Variants in ARHGAP19 observed in about 807,000 individuals in gnomAD.
ARHGAP19 encodes rho GTPase-activating protein 19.
Under a neutral mutation model 60.9 loss-of-function variants are expected in ARHGAP19, and 48 were observed. The observed-to-expected ratio is 0.79, with a 90% CI of 0.62 to 1.00. ARHGAP19 has a LOEUF of 1.00. Ranked by LOEUF, ARHGAP19 falls within the 50% of genes least tolerant of loss-of-function variation. ARHGAP19 has a pLI of 0.00. For synonymous variants in ARHGAP19, 209 were observed against 215.5 expected, an observed-to-expected ratio of 0.97 and a Z score of 0.27; for missense variants, 562 against 597.2, an observed-to-expected ratio of 0.94 and a Z score of 0.61.
At chr10:97,237,658 AC>A (rs1842403117) in intron 8 of ARHGAP19, among the ~76,000 whole-genome samples, 1 of 152,070 alleles carries the variant, frequency 6.6e-6, no homozygotes, top group South Asian at 2.1e-4. Flanking sequence ...GTCACTTGAG[AC>A]CAGGAGTTCA....
At chr10:97,285,924 A>G (rs961799098) in intron 1 of ARHGAP19, among the ~76,000 whole-genome samples, 1 of 152,258 alleles carries the variant, frequency 6.6e-6, no homozygotes, top group Non-Finnish European at 1.5e-5. Flanking sequence ...TTGTGCAACA[A>G]TATCTGCTTT....
intron 6 of ARHGAP19, among the ~76,000 whole-genome samples, chr10:97,246,591 T>A (rs1297170028): frequency 6.6e-6 from 1 of 152,192 alleles, no homozygotes; most frequent in African/African-American, 2.4e-5. Flanking sequence ...AAACATGGCA[T>A]GTATATACTC....
In ARHGAP19 at chr10:97,292,585, C is replaced by G. The variant is rs758889834; in HGVS notation, c.43G>C (p.Glu15Gln). 3 of 1,614,098 alleles carry G rather than the reference C, an allele frequency of 1.9e-6. No homozygotes were observed. The highest frequency in any genetic ancestry group is 2.7e-5 in the African/African-American group (2 of 74,934). Residue 15 changes from glutamate to glutamine, a missense_variant, in exon 1 of 12, where the codon GAA becomes CAA. Transcript: ENST00000358531. ...AACTCAGCTCACCTCCGGCCGGATT[C>G]GCGGGCTGGCACCTCCCCTTCACTC... Reference protein sequence around the residue: ...AQSEGEVPARESGRSDAICSF... With the variant: ...AQSEGEVPARQSGRSDAICSF...
In ARHGAP19 at chr10:97,265,851, A is replaced by G; in HGVS notation, c.322+9T>C. On this transcript the variant is annotated intron_variant, in intron 2 of 11. Coordinates refer to ENST00000358531, the MANE Select transcript of ARHGAP19 (RefSeq NM_032900.6). The stretch of plus-strand genomic sequence containing the variant: ...AGGCCTGCCCACCCTTCACAAACAC[A>G]TCTCCTACCCTTTCGCTTGAGAGAC... 1 of 1,613,450 alleles carries G rather than the reference A, an allele frequency of 6.2e-7. No homozygotes were observed. Among genetic ancestry groups the G allele is most frequent in the Non-Finnish European group, 8.5e-7 (1 of 1,179,480 alleles).
intron 11 of ARHGAP19, among the ~76,000 whole-genome samples, chr10:97,227,040 G>T (rs116131019): frequency 0.02 from 3,086 of 152,298 alleles, 118 homozygotes; most frequent in African/African-American, 0.071. Context: ...TAAAGGCCAG[G>T]AAGGCTGCTC....
chr10:97,257,006 A>C (rs892062255), intron 5 of ARHGAP19, among the ~76,000 whole-genome samples: 19 of 152,128 alleles, frequency 1.2e-4, no homozygotes, highest in Non-Finnish European at 2.5e-4. Flanking sequence ...CTGTAGTCCC[A>C]GCTACTCGGG....
chr10:97,253,271 G>A (rs945443130), intron 6 of ARHGAP19, among the ~76,000 whole-genome samples: 6 of 151,756 alleles, frequency 4.0e-5, no homozygotes, highest in Non-Finnish European at 8.8e-5. Context: ...CCAGCTACTC[G>A]AGAGGCTGAG....
chr10:97,271,384 A>ATAAAAT (rs1842957911), intron 1 of ARHGAP19, among the ~76,000 whole-genome samples: 3 of 152,094 alleles, frequency 2.0e-5, no homozygotes, highest in African/African-American at 7.2e-5. Flanking sequence ...AATAAAATAC[A>ATAAAAT]AGACAAGCCA....
chr10:97,283,123 G>A (rs1039660696), intron 1 of ARHGAP19, among the ~76,000 whole-genome samples: 3 of 151,912 alleles, frequency 2.0e-5, no homozygotes, highest in African/African-American at 7.3e-5. Context: ...GATTACAGGC[G>A]TGAGCCACCC....
chr10:97,258,420 G>A (rs768564766), intron 5 of ARHGAP19, among the ~76,000 whole-genome samples: 2 of 152,160 alleles, frequency 1.3e-5, no homozygotes, highest in East Asian at 1.9e-4. Context: ...TGTAGTCCCA[G>A]CTGCTCAGGA....
intron 7 of ARHGAP19, among the ~76,000 whole-genome samples, chr10:97,245,797 T>C (rs898811240): frequency 6.6e-6 from 1 of 152,160 alleles, no homozygotes; most frequent in Non-Finnish European, 1.5e-5. Context: ...ACACATTTGC[T>C]ATTCACAGAT....
In ARHGAP19 at chr10:97,225,970, A is replaced by C; in HGVS notation, c.*152T>G. 2 of 717,740 alleles carry C rather than the reference A, an allele frequency of 2.8e-6. No homozygotes were observed. The highest frequency in any genetic ancestry group is 4.7e-6 in the Non-Finnish European group (2 of 426,066). 44.5% of individuals were successfully genotyped at this position (717,740 alleles called of 1,614,324 possible). A position where few individuals can be genotyped will look rare whatever the true frequency, so the allele number is the denominator to read the frequency against. On this transcript the variant is annotated 3_prime_UTR_variant, in exon 12 of 12. Transcript: ENST00000358531. ...CAAACATCATCCAGTGAGTGGGGTTAGAGGTATCAGTCGGGTCACGGTATT... is the reference window on the plus strand; with the variant it reads ...CAAACATCATCCAGTGAGTGGGGTTCGAGGTATCAGTCGGGTCACGGTATT...
chr10:97,243,822 A>T lies in ARHGAP19; in HGVS notation c.1185+146T>A. On this transcript the variant is annotated intron_variant, in intron 8 of 11. Transcript: ENST00000358531. Reference sequence around the variant, plus strand: ...CCCTTCTGTAGTGGAGCAATGGCACAGAGATCACTGTGGAGATTCCATAGA... The same window carrying T: ...CCCTTCTGTAGTGGAGCAATGGCACTGAGATCACTGTGGAGATTCCATAGA... 4 of 702,520 alleles carry T rather than the reference A, an allele frequency of 5.7e-6. No individual in the cohort carries two copies. In the South Asian group the frequency reaches 9.2e-5, roughly 16 times the overall value. The allele number at this position is 702,520 out of a possible 1,614,324, so 43.5% of individuals were successfully genotyped here. A position where few individuals can be genotyped will look rare whatever the true frequency, so the allele number is the denominator to read the frequency against.
At chr10:97,270,671 T>A in intron 1 of ARHGAP19, 1 of 1,544,888 alleles carries the variant, frequency 6.5e-7, no homozygotes, top group Non-Finnish European at 8.7e-7. Flanking sequence ...GCTTTCCCCT[T>A]GTTTGTTGTG....
intron 1 of ARHGAP19, 112 bp downstream of exon 1, chr10:97,292,460 T>G: frequency 7.3e-7 from 1 of 1,375,978 alleles, no homozygotes; most frequent in Non-Finnish European, 1.0e-6. Flanking sequence ...AGAAACGCCG[T>G]GGGAGAAAGA....
chr10:97,253,682 T>G (rs190678923), intron 6 of ARHGAP19, among the ~76,000 whole-genome samples: 1 of 152,328 alleles, frequency 6.6e-6, no homozygotes, highest in African/African-American at 2.4e-5. Context: ...CTATTCAATG[T>G]GATGGATACT....
chr10:97,285,246 C>T (rs1009800868), intron 1 of ARHGAP19, among the ~76,000 whole-genome samples: 7 of 151,914 alleles, frequency 4.6e-5, no homozygotes, highest in African/African-American at 1.7e-4. Flanking sequence ...CAGAACAATG[C>T]GAATGTAGTT....
chr10:97,290,288 C>T (rs1441905737), intron 1 of ARHGAP19, among the ~76,000 whole-genome samples: 3 of 151,842 alleles, frequency 2.0e-5, no homozygotes, highest in African/African-American at 4.8e-5. Flanking sequence ...TGACTCCCAT[C>T]CCTCCGGATC....
At chr10:97,273,091 C>T (rs1365587969) in intron 1 of ARHGAP19, among the ~76,000 whole-genome samples, 3 of 152,076 alleles carry the variant, frequency 2.0e-5, no homozygotes, top group Non-Finnish European at 2.9e-5. Flanking sequence ...CCGCCCGCCT[C>T]GGCCTCCCAA....
Sources: allele counts gnomAD v4.1 joint callset (sites outside exome capture counted in the v4.1 genomes callset), GRCh38; gene constraint gnomAD v4.1.1; transcripts MANE v1.5; gene names NCBI Gene and HGNC (gene_info 2026-07-23, HGNC 2026-07-21).